Variants in PCDH9 observed in about 807,000 individuals in gnomAD.
PCDH9 encodes the protein protocadherin-9.
Under a neutral mutation model 70.6 loss-of-function variants are expected in PCDH9, and 24 were observed. The observed-to-expected ratio is 0.34, with a 90% CI of 0.25 to 0.48. PCDH9 has a LOEUF of 0.48. Among genes scored for constraint, PCDH9 ranks in the 20% least tolerant of loss-of-function variants. The pLI is 0.99. For synonymous variants in PCDH9, 562 were observed against 558.5 expected (o/e 1.01, Z -0.09); for missense variants, 1,281 against 1,503.6 (o/e 0.85, Z 2.45).
intron 2 of PCDH9, among the ~76,000 whole-genome samples, chr13:67,189,067 C>T (rs989834093): frequency 1.4e-4 from 21 of 151,968 alleles, no homozygotes; most frequent in African/African-American, 4.6e-4. Context: ...TGAGTTACTT[C>T]ACTTAGAATA....
At chr13:66,480,289 T>G (rs956540889) in intron 4 of PCDH9, among the ~76,000 whole-genome samples, 2 of 152,284 alleles carry the variant, frequency 1.3e-5, no homozygotes, top group African/African-American at 4.8e-5. Context: ...TGATAAAAAC[T>G]TAAACAGATG....
intron 4 of PCDH9, among the ~76,000 whole-genome samples, chr13:66,402,391 T>C (rs1205711049): frequency 6.6e-6 from 1 of 152,096 alleles, no homozygotes; most frequent in African/African-American, 2.4e-5. Context: ...ACTTAAAAGC[T>C]TGCATAAGAA....
intron 4 of PCDH9, among the ~76,000 whole-genome samples, chr13:66,441,868 G>T (rs1043918081): frequency 1.3e-5 from 2 of 152,020 alleles, no homozygotes; most frequent in Non-Finnish European, 2.9e-5. Context: ...CTAGTATACA[G>T]TTTCTGGGTT....
intron 4 of PCDH9, among the ~76,000 whole-genome samples, chr13:66,573,627 A>G (rs1310715376): frequency 1.3e-5 from 2 of 152,196 alleles, no homozygotes; most frequent in African/African-American, 4.8e-5. Context: ...ACGTTAAGAC[A>G]GTCCATTTGC....
intron 3 of PCDH9, among the ~76,000 whole-genome samples, chr13:66,800,482 A>G (rs1413584103): frequency 6.6e-6 from 1 of 152,120 alleles, no homozygotes; most frequent in Non-Finnish European, 1.5e-5. Flanking sequence ...ATTTGTTTCC[A>G]GCACCCTCAT....
intron 4 of PCDH9, among the ~76,000 whole-genome samples, chr13:66,433,744 C>T (rs1375978715): frequency 7.3e-5 from 11 of 151,632 alleles, no homozygotes; most frequent in African/African-American, 2.4e-5. Flanking sequence ...TTCAAGATTA[C>T]TCTTACTTAA....
chr13:66,319,539 A>G (rs999680293), intron 4 of PCDH9, among the ~76,000 whole-genome samples: 1 of 151,938 alleles, frequency 6.6e-6, no homozygotes, highest in African/African-American at 2.4e-5. Flanking sequence ...ATTAATCGAA[A>G]AGAGTTTAAT....
chr13:66,778,056 C>T (rs561129375), intron 3 of PCDH9, among the ~76,000 whole-genome samples: 2 of 145,910 alleles, frequency 1.4e-5, no homozygotes, highest in East Asian at 4.1e-4. Context: ...ACTGCATATT[C>T]TCACTCATAG....
intron 4 of PCDH9, among the ~76,000 whole-genome samples, chr13:66,364,349 CA>C (rs1179177280): frequency 6.6e-6 from 1 of 152,130 alleles, no homozygotes; most frequent in Non-Finnish European, 1.5e-5. Flanking sequence ...AGAAACCCTA[CA>C]TTTTTAATTA....
intron 2 of PCDH9, among the ~76,000 whole-genome samples, chr13:67,093,623 C>G (rs538154188): frequency 1.1e-4 from 16 of 152,240 alleles, no homozygotes; most frequent in African/African-American, 3.9e-4. Context: ...TTCTCATTAG[C>G]AGACCAATAC....
At position 66,884,987 on chromosome 13, in the gene PCDH9, T is replaced by C. The variant is rs541162651; in HGVS notation, c.3138+18517A>G. ...TTACAAATTCATATCAGCAATAAAATTGATTAAAATTTCTCTCTCCTGATA... is the reference window on the plus strand; with the variant it reads ...TTACAAATTCATATCAGCAATAAAACTGATTAAAATTTCTCTCTCCTGATA... On this transcript the variant is annotated intron_variant, in intron 3 of 4. Coordinates refer to ENST00000377865, the MANE Select transcript of PCDH9 (RefSeq NM_203487.3). Among the ~76,000 whole-genome samples the C allele has an allele frequency of 1.2e-4, 19 of 152,284 alleles. No homozygotes were observed. In the South Asian group the frequency reaches 3.3e-3, roughly 27 times the overall value.
chr13:66,530,137 C>T (rs1406235334), intron 4 of PCDH9, among the ~76,000 whole-genome samples: 2 of 151,970 alleles, frequency 1.3e-5, no homozygotes, highest in Admixed American at 1.3e-4. Flanking sequence ...AACAAAAATG[C>T]AAGGTTTAAT....
intron 4 of PCDH9, among the ~76,000 whole-genome samples, chr13:66,423,447 G>A (rs574682140): frequency 4.0e-5 from 6 of 151,726 alleles, no homozygotes; most frequent in South Asian, 2.1e-4. Flanking sequence ...CTGGCAAACC[G>A]AATCCAGCAG....
intron 3 of PCDH9, among the ~76,000 whole-genome samples, chr13:66,676,695 C>T (rs1415609624): frequency 6.6e-6 from 1 of 152,032 alleles, no homozygotes; most frequent in Non-Finnish European, 1.5e-5. Context: ...TAATTATTAT[C>T]TATCTATTGA....
intron 2 of PCDH9, among the ~76,000 whole-genome samples, chr13:67,171,840 C>G (rs544886953): frequency 4.7e-4 from 71 of 152,240 alleles, no homozygotes; most frequent in Non-Finnish European, 7.9e-4. Context: ...ATGCAAAGTT[C>G]CTAACAGCAG....
chr13:67,226,832 G>T lies in PCDH9; in HGVS notation c.1609C>A (p.Arg537=). Reference sequence around the variant, plus strand: ...CTGGCAGTTACTGTAAAAATGAATCGTTCTTGTTCTTCTCTGTCAAATACT... The same window carrying T: ...CTGGCAGTTACTGTAAAAATGAATCTTTCTTGTTCTTCTCTGTCAAATACT... ...SRVFDREEQE[R]FIFTVTARDN... Residue 537 remains arginine (R), a synonymous_variant, in exon 2 of 5, where the codon CGA becomes AGA. Transcript: ENST00000377865. The surrounding 1 kb of genome is among the most constrained non-coding windows in gnomAD (Gnocchi z 5.0). 1 of 1,614,078 alleles carries T rather than the reference G, an allele frequency of 6.2e-7. No individual in the cohort carries two copies. The highest frequency in any genetic ancestry group is 1.1e-5 in the South Asian group (1 of 91,080).
At chr13:66,861,980 CA>C (rs1336890880) in intron 3 of PCDH9, among the ~76,000 whole-genome samples, 2 of 152,090 alleles carry the variant, frequency 1.3e-5, no homozygotes, top group African/African-American at 4.8e-5. Context: ...AAGACTGCTG[CA>C]AAAGTGAGAA....
chr13:67,118,345 A>C (rs2086815955), intron 2 of PCDH9, among the ~76,000 whole-genome samples: 1 of 152,168 alleles, frequency 6.6e-6, no homozygotes, highest in Non-Finnish European at 1.5e-5. Context: ...GTAAGAATAA[A>C]TTGCATTTTG....
At chr13:66,880,645 A>G (rs1013666896) in intron 3 of PCDH9, among the ~76,000 whole-genome samples, 1 of 152,152 alleles carries the variant, frequency 6.6e-6, no homozygotes, top group Non-Finnish European at 1.5e-5. Context: ...GACTTAAACT[A>G]TCTCAAGGTC....
Sources: gnomAD v4.1 joint callset for allele counts (sites outside exome capture counted in the v4.1 genomes callset) on GRCh38, gnomAD v4.1.1 for gene constraint, Gnocchi (gnomAD v3.1) non-coding constraint, MANE v1.5 for transcripts, NCBI Gene and HGNC (gene_info 2026-07-23, HGNC 2026-07-21) for gene names.